COL24A1: variants seen among roughly 807,000 people sequenced by gnomAD.
COL24A1 encodes the protein collagen type XXIV alpha 1 chain, also known as collagen alpha-1(XXIV) chain.
Under a neutral mutation model 253.9 loss-of-function variants are expected in COL24A1, and 224 were observed. The ratio of observed to expected loss-of-function variants is 0.88; its 90% CI spans 0.79 to 0.99. The LOEUF is 0.99. Ranked by LOEUF, COL24A1 falls within the 50% of genes least tolerant of loss-of-function variation. The pLI is 0.00. For synonymous variants in COL24A1, 685 were observed against 673.7 expected, an observed-to-expected ratio of 1.02 and a Z score of -0.26; for missense variants, 2,131 against 2,068.5, an observed-to-expected ratio of 1.03 and a Z score of -0.59.
intron 11 of COL24A1, 133 bp from the exon 12 acceptor site, chr1:86,047,002 T>G (rs1196232337): frequency 1.5e-6 from 1 of 661,538 alleles, no homozygotes; most frequent in Non-Finnish European, 2.7e-6. Context: ...TGATGTGATA[T>G]TCAGAAAAGC....
At chr1:86,075,401 T>C (rs1702178616) in intron 7 of COL24A1, among the ~76,000 whole-genome samples, 1 of 152,072 alleles carries the variant, frequency 6.6e-6, no homozygotes, top group Non-Finnish European at 1.5e-5. Flanking sequence ...CAGTTATTAA[T>C]AGCCTACCAA....
chr1:85,740,355 A>G (rs1664475344), intron 57 of COL24A1, among the ~76,000 whole-genome samples: 1 of 152,228 alleles, frequency 6.6e-6, no homozygotes, highest in South Asian at 2.1e-4. Context: ...AATTTCAATG[A>G]GACAACTGAA....
chr1:85,742,816 A>AT (rs1046839685), intron 57 of COL24A1, among the ~76,000 whole-genome samples: 4 of 152,116 alleles, frequency 2.6e-5, no homozygotes, highest in Admixed American at 1.3e-4. Context: ...TGAGGTTGTA[A>AT]TTTTTTTGAA....
intron 20 of COL24A1, among the ~76,000 whole-genome samples, chr1:85,978,299 A>G (rs893491761): frequency 2.6e-5 from 4 of 152,116 alleles, no homozygotes; most frequent in African/African-American, 7.2e-5. Context: ...TCACAGGCCT[A>G]TAAAACAACA....
chr1:86,035,164 T>C (rs1262481949), intron 12 of COL24A1, among the ~76,000 whole-genome samples: 1 of 152,124 alleles, frequency 6.6e-6, no homozygotes, highest in Non-Finnish European at 1.5e-5. Flanking sequence ...AATCAAAGGA[T>C]AATGTAAAAA....
chr1:85,735,026 G>A, intron 58 of COL24A1, 62 bp from the exon 59 acceptor site: 19 of 1,511,254 alleles, frequency 1.3e-5, no homozygotes, highest in Non-Finnish European at 1.7e-5. Context: ...AACAGTTCAG[G>A]AAAACCTGAG....
rs1395315239 is a variant in COL24A1 at position 85,841,120 on chromosome 1, A to T, written c.3627+102T>A. ...TCCTATCAAACCATGTTATAAAACT[A>T]ACAAAAGAAAACTCCTTGAAAAGAT... is the stretch of plus-strand genomic sequence containing the variant. On this transcript the variant is annotated intron_variant, in intron 42 of 59. Coordinates refer to ENST00000370571, the MANE Select transcript of COL24A1 (RefSeq NM_152890.7). 3 of 832,218 alleles carry T rather than the reference A, an allele frequency of 3.6e-6. No individual in the cohort carries two copies. In the African/African-American group the frequency reaches 5.4e-5, roughly 15 times the overall value. The allele number at this position is 832,218 out of a possible 1,614,324, so 51.6% of individuals were successfully genotyped here. A position where few individuals can be genotyped will look rare whatever the true frequency, so the allele number is the denominator to read the frequency against.
At chr1:85,999,360 C>T (rs777100020) in intron 19 of COL24A1, among the ~76,000 whole-genome samples, 2 of 152,110 alleles carry the variant, frequency 1.3e-5, no homozygotes, top group African/African-American at 4.8e-5. Flanking sequence ...GGCAGTGGCT[C>T]ACACCTGTAG....
intron 43 of COL24A1, among the ~76,000 whole-genome samples, chr1:85,830,657 A>G (rs927499154): frequency 1.3e-5 from 2 of 152,128 alleles, no homozygotes; most frequent in African/African-American, 4.8e-5. Flanking sequence ...GGAAAAGCGC[A>G]GTATTCGGGT....
intron 47 of COL24A1, among the ~76,000 whole-genome samples, chr1:85,792,866 T>C (rs532503610): frequency 4.6e-5 from 7 of 152,070 alleles, no homozygotes; most frequent in Non-Finnish European, 1.0e-4. Flanking sequence ...GAGGGGAAGT[T>C]ACCTTTAGTG....
chr1:85,887,853 C>T (rs1319974175), intron 32 of COL24A1, among the ~76,000 whole-genome samples: 1 of 152,028 alleles, frequency 6.6e-6, no homozygotes, highest in Non-Finnish European at 1.5e-5. Context: ...TAAGCCTCAG[C>T]CTTAGATCTT....
At position 86,022,538 on chromosome 1, in the gene COL24A1, C is replaced by T. The variant is rs376096881; in HGVS notation, c.2202G>A (p.Lys734=). Residue 734 remains lysine (K), a splice_region_variant and synonymous_variant, in exon 17 of 60, where the codon AAG becomes AAA. Transcript: ENST00000370571. ...ELGEPGYPGD[K]GAVGLPGPPG... The stretch of plus-strand genomic sequence containing the variant: ...ATAAAATTAATGGTATAAACATTAC[C>T]TTGTCTCCAGGATACCCGGGTTCTC... 5 of 1,610,556 alleles carry T rather than the reference C, an allele frequency of 3.1e-6. No individual in the cohort carries two copies. Among genetic ancestry groups the T allele is most frequent in the Non-Finnish European group, 4.2e-6 (5 of 1,178,322 alleles).
intron 43 of COL24A1, among the ~76,000 whole-genome samples, chr1:85,835,046 A>G (rs192199471): frequency 1.7e-4 from 26 of 152,218 alleles, no homozygotes; most frequent in African/African-American, 4.1e-4. Flanking sequence ...GGGATGTCCA[A>G]TGTAATATCC....
In COL24A1 at chr1:85,945,019, T is replaced by TTTTTTTTTTTTTTTTTTTTTTTTTTG. The variant is rs1553237048; in HGVS notation, c.2562+16229_2562+16230insCAAAAAAAAAAAAAAAAAAAAAAAAA. ...ATCATTGTGTTTTTTTTTTTTTTTT[T>TTTTTTTTTTTTTTTTTTTTTTTTTTG]TTTTTTTTTTTTTTTTGAGACAGAG... On this transcript the variant is annotated intron_variant, in intron 24 of 59. Coordinates refer to ENST00000370571, the MANE Select transcript of COL24A1 (RefSeq NM_152890.7). Among the ~76,000 whole-genome samples, 19 of 73,388 alleles carry TTTTTTTTTTTTTTTTTTTTTTTTTTG rather than the reference T, an allele frequency of 2.6e-4. 2 individuals are homozygous for TTTTTTTTTTTTTTTTTTTTTTTTTTG. The highest frequency in any genetic ancestry group is 6.2e-4 in the Admixed American group (3 of 4,852). The allele number at this position is 73,388 out of a possible 152,430, so 48.1% of individuals were successfully genotyped here.
chr1:86,128,490 TAAA>T (rs1368606542), intron 2 of COL24A1, among the ~76,000 whole-genome samples: 1 of 151,970 alleles, frequency 6.6e-6, no homozygotes, highest in Non-Finnish European at 1.5e-5. Flanking sequence ...GCTACATATG[TAAA>T]AAATAATCAT....
chr1:85,864,040 C>G (rs1679484616), intron 37 of COL24A1, among the ~76,000 whole-genome samples: 2 of 152,158 alleles, frequency 1.3e-5, no homozygotes, highest in Admixed American at 1.3e-4. Context: ...ACCCAGCAAT[C>G]CCATTACGGG....
At chr1:85,907,583 G>T (rs1280338825) in intron 27 of COL24A1, among the ~76,000 whole-genome samples, 1 of 151,830 alleles carries the variant, frequency 6.6e-6, no homozygotes, top group African/African-American at 2.4e-5. Flanking sequence ...GGTCTAATCT[G>T]CCTGGCCCAT....
rs201224608 is a variant in COL24A1 at position 86,132,974 on chromosome 1, CG to C, written c.122-6761del. 8.1e-3 allele frequency among the ~76,000 whole-genome samples: 1,225 copies of C among 151,774 alleles called. 9 individuals are homozygous for C. The highest frequency in any genetic ancestry group is 0.027 in the Middle Eastern group (8 of 294). On this transcript the variant is annotated intron_variant, in intron 2 of 59. Coordinates refer to ENST00000370571, the MANE Select transcript of COL24A1 (RefSeq NM_152890.7). Reference sequence around the variant, plus strand: ...CCTTGGGCAGTATGGCCCTTTTTCACGATATTGATTCTTCCTACCTATGAGC... The same window carrying C: ...CCTTGGGCAGTATGGCCCTTTTTCACATATTGATTCTTCCTACCTATGAGC...
intron 15 of COL24A1, 21 bp downstream of exon 15, chr1:86,022,933 A>G (rs767424014): frequency 3.1e-6 from 5 of 1,612,990 alleles, no homozygotes; most frequent in South Asian, 1.1e-5. Context: ...GGAAATATCC[A>G]TTATACAAAT....
Sources: allele counts gnomAD v4.1 joint callset (sites outside exome capture counted in the v4.1 genomes callset), GRCh38; gene constraint gnomAD v4.1.1; transcripts MANE v1.5; gene names NCBI Gene and HGNC (gene_info 2026-07-23, HGNC 2026-07-21).